Variants in MIPEP observed in about 807,000 individuals in gnomAD.
MIPEP encodes mitochondrial intermediate peptidase.
MIPEP carries 79 observed loss-of-function variants against 90.3 expected under a neutral mutation model. The observed-to-expected ratio is 0.87, with a 90% confidence interval of 0.73 to 1.05. MIPEP has a LOEUF of 1.05. MIPEP is among the 50% of genes least tolerant of loss of function. The pLI is 0.00. For synonymous variants in MIPEP, 334 were observed against 315.8 expected (o/e 1.06, Z -0.61); for missense variants, 940 against 905.6 (o/e 1.04, Z -0.49).
intron 14 of MIPEP, among the ~76,000 whole-genome samples, chr13:23,835,593 T>C (rs1050844815): frequency 4.6e-5 from 7 of 152,176 alleles, no homozygotes; most frequent in Non-Finnish European, 8.8e-5. Context: ...AATACGGTTC[T>C]AGTATAATCA....
chr13:23,841,764 A>G (rs1869308936), intron 10 of MIPEP, among the ~76,000 whole-genome samples: 1 of 152,190 alleles, frequency 6.6e-6, no homozygotes, highest in South Asian at 2.1e-4. Context: ...CACTAACCCA[A>G]TTAAGCAGTC....
chr13:23,797,791 A>G (rs551662721), intron 16 of MIPEP, among the ~76,000 whole-genome samples: 2 of 152,342 alleles, frequency 1.3e-5, no homozygotes, highest in East Asian at 3.9e-4. Context: ...GAGGATCCCA[A>G]TATAGCCTCG....
At chr13:23,754,358 A>G (rs1235422023) in intron 18 of MIPEP, among the ~76,000 whole-genome samples, 2 of 152,208 alleles carry the variant, frequency 1.3e-5, no homozygotes, top group Non-Finnish European at 2.9e-5. Context: ...CATGAAACAA[A>G]TCATGTGAAT....
chr13:23,818,335 G>A (rs1320324610), intron 14 of MIPEP, among the ~76,000 whole-genome samples: 1 of 152,094 alleles, frequency 6.6e-6, no homozygotes, highest in African/African-American at 2.4e-5. Flanking sequence ...CATGAGAATC[G>A]CTGGAACGCG....
chr13:23,881,706 C>T lies in MIPEP; in HGVS notation c.445G>A (p.Val149Ile), dbSNP rs1871276825. The part of the protein sequence containing the change: ...EEACRSIGTM[V>I]EKLNTNVDLY... ...GAGGGGAACAGCACATACTTCTCTA[C>T]CATGGTGCCAATACTTCTACAAGCT... Residue 149 changes from valine to isoleucine, a missense_variant, in exon 3 of 19, where the codon GTA becomes ATA. Physicochemically the swap from Val to Ile is conservative, Grantham distance 29 (BLOSUM62 3). Coordinates refer to ENST00000382172, the MANE Select transcript of MIPEP (RefSeq NM_005932.4). The T allele has an allele frequency of 2.5e-6, 4 of 1,613,256 alleles. No homozygotes were observed. The highest frequency in any genetic ancestry group is 3.4e-6 in the Non-Finnish European group (4 of 1,179,306).
At position 23,736,697 on chromosome 13, in the gene MIPEP, T is replaced by C. The variant is rs560163785; in HGVS notation, c.2045-6252A>G. On this transcript the variant is annotated intron_variant, in intron 18 of 18. Coordinates refer to ENST00000382172, the MANE Select transcript of MIPEP (RefSeq NM_005932.4). ...GGAGAAAAATACCATGCAGGAGGAC[T>C]TGACCTGCAGACAGCTGGCCTAGAC... Among the ~76,000 whole-genome samples the C allele has an allele frequency of 4.6e-5, 7 of 152,266 alleles. No individual in the cohort carries two copies. The South Asian group carries it at 1.2e-3, about 27-fold the overall frequency.
At chr13:23,862,508 T>C (rs538904113) in intron 8 of MIPEP, 146 bp from the exon 9 acceptor site, 1 of 559,576 alleles carries the variant, frequency 1.8e-6, no homozygotes, top group African/African-American at 1.9e-5. Flanking sequence ...AATCCAAATT[T>C]TACCTAAGTG....
chr13:23,768,357 C>T (rs1210556629), intron 16 of MIPEP, among the ~76,000 whole-genome samples: 1 of 152,172 alleles, frequency 6.6e-6, no homozygotes, highest in East Asian at 1.9e-4. Context: ...TCAAAACACA[C>T]CACAGAGCTA....
intron 9 of MIPEP, among the ~76,000 whole-genome samples, chr13:23,861,478 G>T (rs1165518377): frequency 1.3e-5 from 2 of 152,114 alleles, no homozygotes; most frequent in Non-Finnish European, 2.9e-5. Flanking sequence ...AGACTGACAT[G>T]CTACTCTACA....
intron 16 of MIPEP, among the ~76,000 whole-genome samples, chr13:23,805,267 A>G (rs754856750): frequency 4.6e-5 from 7 of 152,130 alleles, no homozygotes; most frequent in Non-Finnish European, 7.4e-5. Flanking sequence ...TGCTCCTTAC[A>G]CGAGCCTTTG....
chr13:23,870,270 AAT>A (rs538877001), intron 5 of MIPEP, 75 bp from the exon 6 acceptor site: 67 of 950,832 alleles, frequency 7.0e-5, no homozygotes, highest in African/African-American at 5.8e-4. Flanking sequence ...ACAAAATATA[AAT>A]ATGTCAAATC....
At chr13:23,839,622 G>A (rs1869207005) in intron 12 of MIPEP, 27 bp downstream of exon 12, 1 of 1,551,716 alleles carries the variant, frequency 6.4e-7, no homozygotes, top group African/African-American at 1.4e-5. Flanking sequence ...CGGTTCTAGA[G>A]AGACCAGTTT....
chr13:23,744,463 G>A lies in MIPEP; in HGVS notation c.2044+12082C>T, dbSNP rs1162523725. Among the ~76,000 whole-genome samples the A allele has an allele frequency of 1.4e-4, 22 of 152,314 alleles. No homozygotes were observed. The East Asian group carries it at 4.2e-3, about 29-fold the overall frequency. ...GAGAAAGAAGTTGAAGAAATTACCA[G>A]CCCACACAGGTGAGTCAGAGTACCT... On this transcript the variant is annotated intron_variant, in intron 18 of 18. Transcript: ENST00000382172.
intron 14 of MIPEP, among the ~76,000 whole-genome samples, chr13:23,833,762 T>C (rs1244002085): frequency 6.6e-6 from 1 of 152,176 alleles, no homozygotes; most frequent in East Asian, 1.9e-4. Context: ...GCAAGGCTCC[T>C]GGTCCTCTTG....
Position 23,869,309 on chromosome 13 carries a change from G to A in MIPEP, c.926C>T (p.Thr309Met), listed in dbSNP as rs753942210. 1.6e-5 allele frequency: 26 copies of A among 1,598,446 alleles called. No individual in the cohort carries two copies. The Middle Eastern group carries it at 1.2e-3, about 72-fold the overall frequency. ...STFSHRALQG[T>M]IAKNPETVMQ... The stretch of plus-strand genomic sequence containing the variant: ...AGGCTTACCTGGATTTTTAGCTATC[G>A]TTCCTTGGAGAGCCCTGTGAGAAAA... Residue 309 changes from threonine to methionine, a missense_variant, in exon 7 of 19, where the codon ACG becomes ATG. Thr to Met is a moderately conservative substitution (Grantham distance 81). Transcript: ENST00000382172.
At chr13:23,831,251 C>A (rs538442024) in intron 14 of MIPEP, among the ~76,000 whole-genome samples, 10 of 152,098 alleles carry the variant, frequency 6.6e-5, no homozygotes, top group Non-Finnish European at 1.3e-4. Flanking sequence ...GAAGAAATTG[C>A]AAATCTAGGG....
intron 16 of MIPEP, among the ~76,000 whole-genome samples, chr13:23,783,157 A>G (rs1952798856): frequency 6.6e-6 from 1 of 152,178 alleles, no homozygotes; most frequent in Non-Finnish European, 1.5e-5. Context: ...CAACCGAAAA[A>G]GAGAATTTTA....
intron 7 of MIPEP, among the ~76,000 whole-genome samples, chr13:23,867,576 C>T (rs1175344886): frequency 6.6e-6 from 1 of 152,174 alleles, no homozygotes; most frequent in Non-Finnish European, 1.5e-5. Flanking sequence ...CCCTTGCTCC[C>T]AAGAATGTAA....
At chr13:23,826,893 T>C (rs932486722) in intron 14 of MIPEP, among the ~76,000 whole-genome samples, 1 of 152,216 alleles carries the variant, frequency 6.6e-6, no homozygotes, top group South Asian at 2.1e-4. Flanking sequence ...CAATCAACCA[T>C]GAGTCAAAAA....
Sources: gnomAD v4.1 joint callset for allele counts (sites outside exome capture counted in the v4.1 genomes callset) on GRCh38, gnomAD v4.1.1 for gene constraint, MANE v1.5 for transcripts, NCBI Gene and HGNC (gene_info 2026-07-23, HGNC 2026-07-21) for gene names.